Variants in RALGPS1 observed in about 807,000 individuals in gnomAD.
The protein encoded by RALGPS1 is Ral GEF with PH domain and SH3 binding motif 1.
RALGPS1 carries 19 observed loss-of-function variants against 78.8 expected under a neutral mutation model. The ratio of observed to expected loss-of-function variants is 0.24; its 90% confidence interval spans 0.17 to 0.35. RALGPS1 has a LOEUF of 0.35. RALGPS1 is among the 10% of genes least tolerant of loss of function. RALGPS1 has a pLI of 1.00. For missense variants in RALGPS1, 454 were observed against 688.3 expected (o/e 0.66, Z 3.81); for synonymous variants, 228 against 256.3 (o/e 0.89, Z 1.06).
chr9:126,957,835 G>T (rs2038482464), intron 1 of RALGPS1, among the ~76,000 whole-genome samples: 1 of 151,726 alleles, frequency 6.6e-6, no homozygotes. Context: ...AAAGTTTTTT[G>T]CTTATTAATA....
chr9:127,183,256 C>T lies in RALGPS1; in HGVS notation c.910+8474C>T, dbSNP rs1010000285. Among the ~76,000 whole-genome samples the T allele has an allele frequency of 4.6e-5, 7 of 152,328 alleles. No homozygotes were observed. Among genetic ancestry groups the T allele is most frequent in the Middle Eastern group, 3.4e-3 (1 of 294 alleles). On this transcript the variant is annotated intron_variant, in intron 11 of 18. Transcript: ENST00000259351. This position sits in a 1 kb window ranked among gnomAD's most constrained non-coding sequence, Gnocchi z 4.0. ...TTCACAGGGCCTTCTAGCTGGCAGC[C>T]GATATCGCTGATGCTTCTTCTCCCA...
intron 8 of RALGPS1, chr9:127,108,642 A>G (rs2054499470): frequency 7.4e-6 from 12 of 1,613,386 alleles, no homozygotes; most frequent in African/African-American, 1.3e-5. Flanking sequence ...AGCCCTCCTC[A>G]GTGCCCTCAA....
chr9:126,970,497 A>G (rs2039997534), intron 3 of RALGPS1, among the ~76,000 whole-genome samples: 1 of 152,228 alleles, frequency 6.6e-6, no homozygotes, highest in South Asian at 2.1e-4. Flanking sequence ...TGACCTCTTG[A>G]AACCAGGCAA....
chr9:127,163,661 T>C (rs904533491), intron 8 of RALGPS1, among the ~76,000 whole-genome samples: 3 of 152,226 alleles, frequency 2.0e-5, no homozygotes, highest in African/African-American at 7.2e-5. Flanking sequence ...GTTCAACTCC[T>C]GTCTCTTTCA....
At chr9:127,005,273 A>G (rs954734926) in intron 4 of RALGPS1, among the ~76,000 whole-genome samples, 3 of 152,244 alleles carry the variant, frequency 2.0e-5, no homozygotes, top group Non-Finnish European at 4.4e-5. Context: ...AAGAATTGTT[A>G]TACTGCAAAC....
chr9:127,213,640 C>T (rs2062411002), intron 17 of RALGPS1: 1 of 152,686 alleles, frequency 6.5e-6, no homozygotes, highest in African/African-American at 2.4e-5. Context: ...CCTCAGTAAC[C>T]CATGTCACAT....
Position 127,158,354 on chromosome 9 carries a change from T to C in RALGPS1, c.611-7715T>C, listed in dbSNP as rs574331705. Among the ~76,000 whole-genome samples, 363 of 152,200 alleles carry C rather than the reference T, an allele frequency of 2.4e-3. 3 individuals carry two copies. The highest frequency in any genetic ancestry group is 8.3e-3 in the African/African-American group (345 of 41,556). ...ATATTTTTCTCTTTATTAGTAAAGT[T>C]TTTTGCCTCTTCTTCAGAGAACTTT... On this transcript the variant is annotated intron_variant, in intron 8 of 18. Coordinates refer to ENST00000259351, the MANE Select transcript of RALGPS1 (RefSeq NM_014636.3).
chr9:126,933,976 G>GT (rs938635130), intron 1 of RALGPS1, among the ~76,000 whole-genome samples: 1 of 152,094 alleles, frequency 6.6e-6, no homozygotes, highest in Non-Finnish European at 1.5e-5. Flanking sequence ...GTCAGAATGC[G>GT]TTTTCCCACA....
chr9:127,086,202 C>T (rs149047073), intron 8 of RALGPS1, among the ~76,000 whole-genome samples: 1,757 of 152,292 alleles, frequency 0.012, 14 homozygotes, highest in Middle Eastern at 0.034. Context: ...TGCAGCTTTA[C>T]TAGAAAAAGC....
At chr9:126,947,836 G>C (rs2037425921) in intron 1 of RALGPS1, among the ~76,000 whole-genome samples, 1 of 152,190 alleles carries the variant, frequency 6.6e-6, no homozygotes, top group Admixed American at 6.5e-5. Context: ...TGAAGGGTGG[G>C]TGCTGTGCAT....
chr9:126,997,073 A>G (rs1187651762), intron 4 of RALGPS1, among the ~76,000 whole-genome samples: 7 of 152,198 alleles, frequency 4.6e-5, no homozygotes, highest in Non-Finnish European at 8.8e-5. Flanking sequence ...CACAGCCAAT[A>G]TCATACTGAA....
intron 5 of RALGPS1, among the ~76,000 whole-genome samples, chr9:127,041,532 G>T (rs1045865093): frequency 1.3e-5 from 2 of 152,178 alleles, no homozygotes; most frequent in Non-Finnish European, 2.9e-5. Context: ...TGTGTTTTAG[G>T]CATTCTAGTA....
intron 4 of RALGPS1, among the ~76,000 whole-genome samples, chr9:126,999,106 A>G (rs982149011): frequency 1.3e-5 from 2 of 151,566 alleles, no homozygotes; most frequent in Non-Finnish European, 2.9e-5. Flanking sequence ...AACATGGCAC[A>G]TGTATACATA....
At position 127,122,879 on chromosome 9, in the gene RALGPS1, G is replaced by C. The variant is rs1201394328; in HGVS notation, c.611-43190G>C. Reference sequence around the variant, plus strand: ...CAGCCCGCTTTGGCGGCCTCGGCAGGCCCCCTCCTTCCTTGGCACGGGCAG... The same window carrying C: ...CAGCCCGCTTTGGCGGCCTCGGCAGCCCCCCTCCTTCCTTGGCACGGGCAG... On this transcript the variant is annotated intron_variant, in intron 8 of 18. Coordinates refer to ENST00000259351, the MANE Select transcript of RALGPS1 (RefSeq NM_014636.3). The surrounding 1 kb of genome is among the most constrained non-coding windows in gnomAD (Gnocchi z 6.4). 1.3e-5 allele frequency: 2 copies of C among 152,350 alleles called. No individual in the cohort carries two copies. The highest frequency in any genetic ancestry group is 2.9e-5 in the Non-Finnish European group (2 of 68,138). The allele number at this position is 152,350 out of a possible 1,614,324, so 9.4% of individuals were successfully genotyped here.
chr9:126,931,493 T>C (rs1427135714), intron 1 of RALGPS1, among the ~76,000 whole-genome samples: 4 of 152,146 alleles, frequency 2.6e-5, no homozygotes, highest in Non-Finnish European at 5.9e-5. Context: ...TTGAAAACAT[T>C]CTGAGTGAAA....
chr9:126,958,549 C>T (rs1236093100), intron 1 of RALGPS1, among the ~76,000 whole-genome samples: 4 of 152,094 alleles, frequency 2.6e-5, no homozygotes, highest in East Asian at 1.9e-4. Context: ...CTTCTTTCCC[C>T]GAGCATGTGT....
chr9:126,941,720 AAGTG>A (rs1387332923), intron 1 of RALGPS1, among the ~76,000 whole-genome samples: 9 of 152,218 alleles, frequency 5.9e-5, no homozygotes, highest in Non-Finnish European at 1.2e-4. Context: ...GAAAGCATGA[AAGTG>A]AGTGTGCCCT....
At chr9:127,053,006 C>G (rs572379422) in intron 7 of RALGPS1, 67 bp downstream of exon 7, 1 of 1,105,080 alleles carries the variant, frequency 9.0e-7, no homozygotes, top group East Asian at 2.3e-5. Flanking sequence ...CTTCATTCCA[C>G]AAGCCCCAGC....
At chr9:127,180,372 G>C (rs1159375575) in intron 11 of RALGPS1, among the ~76,000 whole-genome samples, 3 of 152,222 alleles carry the variant, frequency 2.0e-5, no homozygotes, top group African/African-American at 4.8e-5. Context: ...ACTGCTCTCT[G>C]ACACACCTGC....
Sources: gnomAD v4.1 joint callset for allele counts (sites outside exome capture counted in the v4.1 genomes callset) on GRCh38, gnomAD v4.1.1 for gene constraint, Gnocchi (gnomAD v3.1) non-coding constraint, MANE v1.5 for transcripts, NCBI Gene and HGNC (gene_info 2026-07-23, HGNC 2026-07-21) for gene names.